Variants in VOPP1 observed in about 807,000 individuals in gnomAD.
The protein encoded by VOPP1 is VOPP1 WW domain binding protein.
VOPP1 carries 8 observed loss-of-function variants against 23.5 expected under a neutral mutation model. The ratio of observed to expected loss-of-function variants is 0.34; its 90% confidence interval spans 0.20 to 0.61. The LOEUF (loss-of-function observed/expected upper bound fraction) is 0.61, where lower values mean the gene tolerates loss of function less well. Among genes scored for constraint, VOPP1 ranks in the 20% least tolerant of loss-of-function variants. The probability of loss-of-function intolerance (pLI) is 0.78; values close to 1 mark genes in which losing one functional copy is unlikely to be tolerated. For missense variants in VOPP1, 174 were observed against 238.1 expected (o/e 0.73, Z 1.77); for synonymous variants, 83 against 97.3 (o/e 0.85, Z 0.86).
intron 4 of VOPP1, among the ~76,000 whole-genome samples, chr7:55,464,645 G>A (rs1363558595): frequency 1.3e-5 from 2 of 152,182 alleles, no homozygotes; most frequent in Non-Finnish European, 2.9e-5. Context: ...TGGGAATCTG[G>A]CTATACTGCT....
chr7:55,495,844 G>A (rs1444063957), intron 3 of VOPP1, among the ~76,000 whole-genome samples: 1 of 152,218 alleles, frequency 6.6e-6, no homozygotes, highest in Non-Finnish European at 1.5e-5. Flanking sequence ...GGAACCCTGT[G>A]TCGGAATCTC....
intron 1 of VOPP1, among the ~76,000 whole-genome samples, chr7:55,559,538 C>T (rs894029981): frequency 2.0e-5 from 3 of 152,200 alleles, no homozygotes; most frequent in Non-Finnish European, 4.4e-5. Flanking sequence ...TCAATTGTAT[C>T]AAGTAACCTG....
chr7:55,486,322 C>T (rs976921750), intron 4 of VOPP1, among the ~76,000 whole-genome samples: 1 of 152,162 alleles, frequency 6.6e-6, no homozygotes, highest in African/African-American at 2.4e-5. Flanking sequence ...TGGCTAAGGA[C>T]ATTAAATGCT....
At chr7:55,476,794 C>T (rs1020911591) in intron 4 of VOPP1, among the ~76,000 whole-genome samples, 7 of 152,152 alleles carry the variant, frequency 4.6e-5, no homozygotes, top group Middle Eastern at 3.2e-3. Flanking sequence ...TTCCTGCCAC[C>T]CAAGCTGTGG....
intron 2 of VOPP1, among the ~76,000 whole-genome samples, chr7:55,519,416 G>A (rs1190150099): frequency 6.6e-6 from 1 of 152,190 alleles, no homozygotes; most frequent in Non-Finnish European, 1.5e-5. Context: ...CCCAAGCTCT[G>A]ACAAAGCTGA....
intron 4 of VOPP1, among the ~76,000 whole-genome samples, chr7:55,442,173 C>T (rs746027749): frequency 5.3e-5 from 8 of 152,194 alleles, no homozygotes; most frequent in East Asian, 3.9e-4. Context: ...ACATGTGAGG[C>T]GGCTGAGGGT....
At chr7:55,564,426 C>T (rs768806254) in intron 1 of VOPP1, among the ~76,000 whole-genome samples, 1 of 152,096 alleles carries the variant, frequency 6.6e-6, no homozygotes, top group Non-Finnish European at 1.5e-5. Flanking sequence ...AAGAGTTTCA[C>T]TCATCTTTCC....
At chr7:55,511,293 C>T (rs929115167) in intron 2 of VOPP1, among the ~76,000 whole-genome samples, 11 of 152,192 alleles carry the variant, frequency 7.2e-5, no homozygotes, top group Non-Finnish European at 1.6e-4. Context: ...AGCAGTCGGA[C>T]GGTATTTAGT....
rs56047831 is a variant in VOPP1, at chr7:55,505,651, AAGGGAGGGAGGGAGGGAGGGAGGGAGGG to A, written c.114-7989_114-7962del. 1.6e-3 allele frequency among the ~76,000 whole-genome samples: 126 copies of A among 78,656 alleles called. 2 individuals carry two copies. In the South Asian group the frequency reaches 0.035, roughly 22 times the overall value. 51.6% of individuals were successfully genotyped at this position (78,656 alleles called of 152,430 possible). A position where few individuals can be genotyped will look rare whatever the true frequency, so the allele number is the denominator to read the frequency against. The stretch of plus-strand genomic sequence containing the variant: ...GAAAGAAGGAAAAAAGGAAGGAAGG[AAGGGAGGGAGGGAGGGAGGGAGGGAGGG>A]AGGGAGGGAGGGAGGGAGGGAGGGA... On this transcript the variant is annotated intron_variant, in intron 2 of 4. Coordinates refer to ENST00000285279, the MANE Select transcript of VOPP1 (RefSeq NM_030796.5).
intron 1 of VOPP1, among the ~76,000 whole-genome samples, chr7:55,544,801 A>C (rs776647678): frequency 1.3e-5 from 2 of 152,286 alleles, no homozygotes; most frequent in African/African-American, 4.8e-5. Context: ...TTTGAACTCA[A>C]GGAAAATAAA....
intron 1 of VOPP1, among the ~76,000 whole-genome samples, chr7:55,551,018 T>C (rs2129053657): frequency 6.6e-6 from 1 of 152,076 alleles, no homozygotes; most frequent in Non-Finnish European, 1.5e-5. Context: ...GGGAAGGGCA[T>C]GGTGACAGGC....
chr7:55,526,693 C>T (rs1796211895), intron 1 of VOPP1: 1 of 152,240 alleles, frequency 6.6e-6, no homozygotes, highest in Non-Finnish European at 1.5e-5. Context: ...AGCAGACAAA[C>T]TTGCAAACCA....
intron 1 of VOPP1, among the ~76,000 whole-genome samples, chr7:55,569,544 C>G (rs901236164): frequency 6.6e-6 from 1 of 152,098 alleles, no homozygotes; most frequent in Non-Finnish European, 1.5e-5. Context: ...GCATCTTAAG[C>G]CCTCACACTT....
intron 1 of VOPP1, among the ~76,000 whole-genome samples, chr7:55,531,776 T>C (rs529220229): frequency 6.6e-6 from 1 of 152,342 alleles, no homozygotes; most frequent in African/African-American, 2.4e-5. Context: ...ATCTCATACA[T>C]GTCTGAGAAG....
At chr7:55,511,840 G>C (rs921806909) in intron 2 of VOPP1, among the ~76,000 whole-genome samples, 1 of 152,178 alleles carries the variant, frequency 6.6e-6, no homozygotes, top group Non-Finnish European at 1.5e-5. Context: ...CAACTGCCTT[G>C]GGCACGTGTT....
intron 4 of VOPP1, among the ~76,000 whole-genome samples, chr7:55,474,046 G>A (rs1384626410): frequency 6.6e-6 from 1 of 152,256 alleles, no homozygotes; most frequent in African/African-American, 2.4e-5. Flanking sequence ...ATGTGCGGAA[G>A]GAGAGCATGT....
chr7:55,552,685 C>T (rs1441618188), intron 1 of VOPP1: 4 of 1,535,962 alleles, frequency 2.6e-6, no homozygotes, highest in African/African-American at 2.7e-5. Flanking sequence ...ATGGGGGGCA[C>T]TCAGGTCCTG....
chr7:55,566,345 ATGAG>A (rs1798163324), intron 1 of VOPP1, among the ~76,000 whole-genome samples: 1 of 152,130 alleles, frequency 6.6e-6, no homozygotes. Flanking sequence ...TCATTCTAAA[ATGAG>A]TACTCAGAGC....
chr7:55,512,305 A>C (rs1795123663), intron 2 of VOPP1, among the ~76,000 whole-genome samples: 1 of 152,120 alleles, frequency 6.6e-6, no homozygotes, highest in African/African-American at 2.4e-5. Flanking sequence ...ACGTGCCTGT[A>C]ATCCCAGCTA....
Sources: gnomAD v4.1 joint callset for allele counts (sites outside exome capture counted in the v4.1 genomes callset) on GRCh38, gnomAD v4.1.1 for gene constraint, MANE v1.5 for transcripts, NCBI Gene and HGNC (gene_info 2026-07-23, HGNC 2026-07-21) for gene names.